The following DRC10 variants were observed in gnomAD, a reference collection of about 807,000 sequenced individuals.
DRC10 encodes IQ domain-containing protein D.
the DRC10 span, among the ~76,000 whole-genome samples, chr12:113,219,032 T>G: frequency 4.4e-3 from 674 of 152,200 alleles, 2 homozygotes; most frequent in Non-Finnish European, 6.9e-3. Flanking sequence ...AAGTTTATTT[T>G]TTGTTTTATT....
the DRC10 span, among the ~76,000 whole-genome samples, chr12:113,219,445 C>G: frequency 2.0e-5 from 3 of 152,214 alleles, no homozygotes; most frequent in Admixed American, 1.3e-4. Context: ...GTTTATTTAT[C>G]TACATGATGA....
At chr12:113,211,051 T>C in the DRC10 span, among the ~76,000 whole-genome samples, 16 of 152,226 alleles carry the variant, frequency 1.1e-4, no homozygotes, top group African/African-American at 3.9e-4. Context: ...GGGAGGACAA[T>C]GAGCTCACTT....
the DRC10 span, among the ~76,000 whole-genome samples, chr12:113,211,950 C>T: frequency 1.3e-4 from 20 of 150,308 alleles, no homozygotes; most frequent in Admixed American, 2.7e-4. Flanking sequence ...CTGTAGTCCC[C>T]GCTATTTGGG....
chr12:113,207,197 A>C, the DRC10 span: 6 of 547,458 alleles, frequency 1.1e-5, no homozygotes, highest in South Asian at 1.2e-4. Context: ...AAAATACAAA[A>C]ATTAGCCGGG....
chr12:113,201,918 C>T, the DRC10 span, among the ~76,000 whole-genome samples: 26 of 152,360 alleles, frequency 1.7e-4, no homozygotes, highest in East Asian at 3.9e-4. Flanking sequence ...ACTCCCCACA[C>T]GTGCCTGATT....
chr12:113,213,246 T>C, the DRC10 span, among the ~76,000 whole-genome samples: 1 of 151,946 alleles, frequency 6.6e-6, no homozygotes, highest in Non-Finnish European at 1.5e-5. Context: ...CTCTCTCTCT[T>C]TTTAAATTCA....
At chr12:113,196,356 A>G in the DRC10 span, among the ~76,000 whole-genome samples, 1 of 152,106 alleles carries the variant, frequency 6.6e-6, no homozygotes, top group South Asian at 2.1e-4. Flanking sequence ...TCCACAAGAC[A>G]CCAGAGGAGA....
the DRC10 span, chr12:113,195,955 G>A: frequency 6.5e-7 from 1 of 1,529,436 alleles, no homozygotes. Context: ...CCTCCCTGAG[G>A]CCCCCTTACC....
At chr12:113,200,720 C>T in the DRC10 span, 3 of 1,536,086 alleles carry the variant, frequency 2.0e-6, no homozygotes, top group Non-Finnish European at 2.6e-6. Context: ...TTCTCAGCCT[C>T]CTGCTTAGTG....
At chr12:113,196,206 A>T in the DRC10 span, among the ~76,000 whole-genome samples, 1 of 152,150 alleles carries the variant, frequency 6.6e-6, no homozygotes, top group African/African-American at 2.4e-5. Context: ...GTTTTTCCTC[A>T]TCTGAAACAT....
chr12:113,213,888 G>A, the DRC10 span, among the ~76,000 whole-genome samples: 3 of 152,090 alleles, frequency 2.0e-5, no homozygotes, highest in Admixed American at 6.6e-5. Context: ...AGGTTGCAGT[G>A]AGCCGAGATT....
the DRC10 span, among the ~76,000 whole-genome samples, chr12:113,199,875 C>A: frequency 6.6e-6 from 1 of 151,970 alleles, no homozygotes; most frequent in Admixed American, 6.6e-5. Flanking sequence ...CACATCACAG[C>A]GCCTGACTAA....
the DRC10 span, chr12:113,221,022 T>C: frequency 5.0e-6 from 2 of 397,166 alleles, no homozygotes; most frequent in South Asian, 1.8e-5. Flanking sequence ...CAGGTTTCCC[T>C]AGCCACAGTT....
chr12:113,197,655 A>C, the DRC10 span: 1 of 1,248,916 alleles, frequency 8.0e-7, no homozygotes, highest in Non-Finnish European at 1.1e-6. Flanking sequence ...GAATATATTA[A>C]CAATCAACAG....
At chr12:113,207,526 T>C in the DRC10 span, 1 of 1,614,032 alleles carries the variant, frequency 6.2e-7, no homozygotes, top group Non-Finnish European at 8.5e-7. Context: ...TCTACTGATA[T>C]CCTGTAAGAA....
chr12:113,215,563 T>C, the DRC10 span, among the ~76,000 whole-genome samples: 1 of 152,260 alleles, frequency 6.6e-6, no homozygotes, highest in Non-Finnish European at 1.5e-5. Context: ...GCATTATTCA[T>C]GTTCTCCTGT....
chr12:113,198,587 A>C, the DRC10 span, among the ~76,000 whole-genome samples: 3 of 152,238 alleles, frequency 2.0e-5, no homozygotes, highest in Non-Finnish European at 2.9e-5. Context: ...GAATCCACAG[A>C]GACAGAAAGC....
the DRC10 span, chr12:113,207,747 G>T: frequency 6.2e-7 from 1 of 1,614,164 alleles, no homozygotes; most frequent in Non-Finnish European, 8.5e-7. Flanking sequence ...GTGGTGAGAG[G>T]CTGGATTTCT....
At chr12:113,201,658 GAC>G in the DRC10 span, among the ~76,000 whole-genome samples, 1 of 152,342 alleles carries the variant, frequency 6.6e-6, no homozygotes, top group East Asian at 1.9e-4. Flanking sequence ...TGGAGGATGA[GAC>G]AGTTTTGTAA....
Sources: allele counts gnomAD v4.1 joint callset (sites outside exome capture counted in the v4.1 genomes callset), GRCh38; gene constraint gnomAD v4.1.1; transcripts MANE v1.5; gene names NCBI Gene and HGNC (gene_info 2026-07-23, HGNC 2026-07-21).